WWP1: variants seen among roughly 807,000 people sequenced by gnomAD.
WWP1 encodes the protein WW domain containing E3 ubiquitin protein ligase 1.
A neutral mutation model predicts 130.6 loss-of-function variants in WWP1; 49 were observed. The observed-to-expected ratio is 0.38, with a 90% CI of 0.30 to 0.48. WWP1 has a LOEUF of 0.48. WWP1 is among the 20% of genes least tolerant of loss of function. The probability of loss-of-function intolerance (pLI) is 0.99; values close to 1 mark genes in which losing one functional copy is unlikely to be tolerated. For missense variants in WWP1, 809 were observed against 1,100.6 expected (o/e 0.74, Z 3.75); for synonymous variants, 332 against 367.8 (o/e 0.90, Z 1.11).
chr8:86,343,694 G>C (rs1198030017), intron 1 of WWP1, among the ~76,000 whole-genome samples: 1 of 152,094 alleles, frequency 6.6e-6, no homozygotes, highest in Non-Finnish European at 1.5e-5. Context: ...CATTACCAAA[G>C]AAGAGTAGTG....
At chr8:86,431,142 ATT>A (rs1254529742) in intron 12 of WWP1, among the ~76,000 whole-genome samples, 24 of 112,758 alleles carry the variant, frequency 2.1e-4, no homozygotes, top group Non-Finnish European at 3.6e-4. Context: ...ATATTAAAGA[ATT>A]ATATATTATA....
chr8:86,466,019 G>C (rs1204588480), intron 24 of WWP1, among the ~76,000 whole-genome samples: 1 of 152,134 alleles, frequency 6.6e-6, no homozygotes, highest in Non-Finnish European at 1.5e-5. Context: ...ATGGGAAAAT[G>C]AAGGTACAGA....
intron 9 of WWP1, among the ~76,000 whole-genome samples, chr8:86,422,949 G>A (rs1809311696): frequency 1.3e-5 from 2 of 151,946 alleles, no homozygotes. Flanking sequence ...TTTCTTTAAG[G>A]CGATTTCTGC....
intron 10 of WWP1, among the ~76,000 whole-genome samples, chr8:86,427,235 G>A (rs978820338): frequency 6.6e-6 from 1 of 151,880 alleles, no homozygotes; most frequent in Non-Finnish European, 1.5e-5. Flanking sequence ...CCTCTTTTTA[G>A]ACAGTCTTTA....
intron 21 of WWP1, among the ~76,000 whole-genome samples, chr8:86,455,678 A>G (rs189156293): frequency 3.9e-5 from 6 of 152,106 alleles, no homozygotes; most frequent in African/African-American, 1.4e-4. Context: ...GAAGAGATAT[A>G]CGATGTTATA....
intron 1 of WWP1, among the ~76,000 whole-genome samples, chr8:86,362,804 G>C (rs1823747433): frequency 6.6e-6 from 1 of 152,048 alleles, no homozygotes; most frequent in Admixed American, 6.6e-5. Context: ...ATTTACATCA[G>C]AAATTATTTA....
intron 2 of WWP1, among the ~76,000 whole-genome samples, chr8:86,373,761 T>C (rs1367036135): frequency 6.6e-6 from 1 of 152,188 alleles, no homozygotes; most frequent in African/African-American, 2.4e-5. Flanking sequence ...CTCCTTCCCC[T>C]TGTAGCAGGC....
At chr8:86,410,420 G>T (rs952421001) in intron 8 of WWP1, among the ~76,000 whole-genome samples, 1 of 152,012 alleles carries the variant, frequency 6.6e-6, no homozygotes, top group African/African-American at 2.4e-5. Context: ...GAAATTGTAC[G>T]TGGTATTTCT....
intron 8 of WWP1, among the ~76,000 whole-genome samples, chr8:86,408,892 A>C (rs905384772): frequency 1.3e-5 from 2 of 152,074 alleles, no homozygotes; most frequent in Non-Finnish European, 2.9e-5. Flanking sequence ...CCTGGGTGAC[A>C]GAGCAAGACT....
At chr8:86,358,618 A>G (rs940718950) in intron 1 of WWP1, among the ~76,000 whole-genome samples, 2 of 151,878 alleles carry the variant, frequency 1.3e-5, no homozygotes, top group African/African-American at 4.8e-5. Context: ...GACTACAAGA[A>G]TGCACCACCA....
In WWP1 at chr8:86,431,606, A is replaced by G. The variant is rs762103236; in HGVS notation, c.1473-9A>G. 4.3e-6 allele frequency: 7 copies of G among 1,612,932 alleles called. No individual in the cohort carries two copies. In the African/African-American group the frequency reaches 9.4e-5, roughly 22 times the overall value. Reference sequence around the variant, plus strand: ...AGGTTCATCTTGTGATTTTAACTTTATCTTTTAGCTTACAGAATGAAGAAC... The same window carrying G: ...AGGTTCATCTTGTGATTTTAACTTTGTCTTTTAGCTTACAGAATGAAGAAC... On this transcript the variant is annotated splice_polypyrimidine_tract_variant and intron_variant, in intron 13 of 24. Coordinates refer to ENST00000517970, the MANE Select transcript of WWP1 (RefSeq NM_007013.4).
chr8:86,372,793 C>G (rs920297361), intron 2 of WWP1, among the ~76,000 whole-genome samples: 1 of 152,058 alleles, frequency 6.6e-6, no homozygotes, highest in African/African-American at 2.4e-5. Context: ...TTAGTCTTAT[C>G]AGACATTTAT....
chr8:86,441,830 C>G (rs1204987665), intron 17 of WWP1, among the ~76,000 whole-genome samples: 2 of 152,146 alleles, frequency 1.3e-5, no homozygotes. Context: ...CTTGTACTTA[C>G]AGATTACTGT....
intron 22 of WWP1, among the ~76,000 whole-genome samples, 180 bp from the exon 23 acceptor site, chr8:86,461,044 C>T (rs547131036): frequency 4.0e-4 from 61 of 152,028 alleles, no homozygotes; most frequent in Non-Finnish European, 3.2e-4. Context: ...CTCCTGACCT[C>T]GTGATCCGCC....
At chr8:86,432,457 A>C (rs1810035395) in intron 14 of WWP1, among the ~76,000 whole-genome samples, 1 of 152,002 alleles carries the variant, frequency 6.6e-6, no homozygotes, top group South Asian at 2.1e-4. Context: ...TAATTGCTCC[A>C]ACAGTTATCA....
intron 3 of WWP1, among the ~76,000 whole-genome samples, chr8:86,380,217 A>G (rs1181679897): frequency 1.3e-5 from 2 of 152,182 alleles, no homozygotes; most frequent in South Asian, 4.1e-4. Flanking sequence ...ATGAACCTCA[A>G]AAATGTAATG....
chr8:86,422,323 T>TATGTATGTATGTATG (rs769712215), intron 9 of WWP1, among the ~76,000 whole-genome samples: 21 of 69,554 alleles, frequency 3.0e-4, no homozygotes, highest in Admixed American at 6.5e-4. Context: ...CAGTTTGTAT[T>TATGTATGTATGTATG]TATTTATTTA....
chr8:86,437,945 G>A (rs1448354895), intron 16 of WWP1, among the ~76,000 whole-genome samples: 6 of 151,962 alleles, frequency 3.9e-5, no homozygotes, highest in Admixed American at 1.3e-4. Flanking sequence ...GACTACAGGC[G>A]CCCACCACCA....
chr8:86,368,664 C>A (rs2130270312), intron 1 of WWP1, among the ~76,000 whole-genome samples: 1 of 152,212 alleles, frequency 6.6e-6, no homozygotes, highest in Middle Eastern at 3.4e-3. Context: ...GCAGTTTAGA[C>A]CCTCTCTGTT....
Sources: allele counts gnomAD v4.1 joint callset (sites outside exome capture counted in the v4.1 genomes callset), GRCh38; gene constraint gnomAD v4.1.1; transcripts MANE v1.5; gene names NCBI Gene and HGNC (gene_info 2026-07-23, HGNC 2026-07-21).